AXDND1: variants seen among roughly 807,000 people sequenced by gnomAD.
AXDND1 encodes the protein axonemal dynein light chain domain-containing protein 1.
A neutral mutation model predicts 137.5 loss-of-function variants in AXDND1; 110 were observed. The observed-to-expected ratio is 0.80, with a 90% confidence interval of 0.69 to 0.94. The LOEUF (loss-of-function observed/expected upper bound fraction) is 0.94. AXDND1 is among the 40% of genes least tolerant of loss of function. AXDND1 has a pLI of 0.00. For missense variants in AXDND1, 1,191 were observed against 1,169.8 expected (o/e 1.02, Z -0.26); for synonymous variants, 414 against 399.7 (o/e 1.04, Z -0.43).
chr1:179,548,157 T>C (rs1672818746), intron 25 of AXDND1, among the ~76,000 whole-genome samples: 2 of 152,188 alleles, frequency 1.3e-5, no homozygotes, highest in Admixed American at 1.3e-4. Flanking sequence ...CTTTCACACA[T>C]GGAGGCAACA....
chr1:179,413,911 T>C (rs1231568580), intron 12 of AXDND1, among the ~76,000 whole-genome samples: 1 of 152,170 alleles, frequency 6.6e-6, no homozygotes. Context: ...ATCTGTTTTT[T>C]TTTTACTTTT....
intron 16 of AXDND1, among the ~76,000 whole-genome samples, chr1:179,458,175 G>A (rs551597778): frequency 6.6e-6 from 1 of 151,740 alleles, no homozygotes; most frequent in Admixed American, 6.6e-5. Context: ...TAGAGATTGG[G>A]TTTCATCATA....
chr1:179,553,912 A>ATT lies in AXDND1; in HGVS notation c.3032-583_3032-582dup, dbSNP rs11422639. On this transcript the variant is annotated intron_variant, in intron 25 of 25. Transcript: ENST00000367618. ...AGGCATTTGCCAACACCCCTGGCTA[A>ATT]TTTTTTTTTTTTTTTTTTGAGATCG... 7.5e-3 allele frequency among the ~76,000 whole-genome samples: 986 copies of ATT among 131,828 alleles called. 26 individuals carry two copies. The highest frequency in any genetic ancestry group is 0.047 in the East Asian group (211 of 4,518). The allele number at this position is 131,828 out of a possible 152,430, so 86.5% of individuals were successfully genotyped here.
intron 17 of AXDND1, among the ~76,000 whole-genome samples, chr1:179,482,525 G>A (rs1402811376): frequency 6.6e-6 from 1 of 152,082 alleles, no homozygotes; most frequent in African/African-American, 2.4e-5. Context: ...TGTGTTCTTG[G>A]CTACAGCATT....
chr1:179,496,715 T>C (rs1282784921), intron 20 of AXDND1, among the ~76,000 whole-genome samples: 1 of 151,960 alleles, frequency 6.6e-6, no homozygotes, highest in Non-Finnish European at 1.5e-5. Flanking sequence ...GTCTAGTCTT[T>C]ATTGTTTATA....
chr1:179,437,851 C>T lies in AXDND1; in HGVS notation c.1563+5509C>T, dbSNP rs566056350. Among the ~76,000 whole-genome samples the T allele has an allele frequency of 2.0e-5, 3 of 152,252 alleles. No homozygotes were observed. The South Asian group carries it at 6.2e-4, about 32-fold the overall frequency. ...AAATCAAGAATTTTGTTTTGCAATT[C>T]ACCAATATTAAAGGTAATGGCCGGG... is the stretch of plus-strand genomic sequence containing the variant. On this transcript the variant is annotated intron_variant, in intron 15 of 25. Coordinates refer to ENST00000367618, the MANE Select transcript of AXDND1 (RefSeq NM_144696.6).
intron 20 of AXDND1, among the ~76,000 whole-genome samples, chr1:179,505,584 G>A (rs1249381466): frequency 6.6e-6 from 1 of 151,442 alleles, no homozygotes; most frequent in African/African-American, 2.4e-5. Context: ...GGAGGTAGAG[G>A]TTGTGCCGAG....
Position 179,378,662 on chromosome 1 carries a change from A to T in AXDND1, c.400A>T (p.Thr134Ser), listed in dbSNP as rs1331283746. 1 of 1,592,544 alleles carries T rather than the reference A, an allele frequency of 6.3e-7. No homozygotes were observed. Among genetic ancestry groups the T allele is most frequent in the Non-Finnish European group, 8.6e-7 (1 of 1,167,854 alleles). The part of the protein sequence containing the change: ...GRDISFLYDV[T>S]YAKGQTREKA... ...GGATATTTCTTTTCTGTACGATGTA[A>T]CATATGCCAAAGGACAGACTAGGGA... Residue 134 changes from threonine to serine, a missense_variant, in exon 5 of 26, where the codon ACA (threonine) becomes TCA (serine). Coordinates refer to ENST00000367618, the MANE Select transcript of AXDND1 (RefSeq NM_144696.6).
rs530962748 is a variant in AXDND1, at chr1:179,472,057, G to A, written c.1997+3416G>A. Among the ~76,000 whole-genome samples the A allele has an allele frequency of 3.4e-4, 51 of 152,110 alleles. 1 individual carries two copies. In the East Asian group the frequency reaches 4.8e-3, roughly 14 times the overall value. On this transcript the variant is annotated intron_variant, in intron 17 of 25. Transcript: ENST00000367618. ...TTACCGGCATGTGCCACCACGCCTG[G>A]CTAATTTTTTTGTATTTTTAGTAGA...
intron 12 of AXDND1, among the ~76,000 whole-genome samples, chr1:179,418,597 G>T (rs1276254936): frequency 6.6e-6 from 1 of 151,134 alleles, no homozygotes; most frequent in African/African-American, 2.4e-5. Flanking sequence ...CTCCCGGACG[G>T]GGCGGCTGGC....
At chr1:179,549,023 G>T (rs1672925859) in intron 25 of AXDND1, 1 of 152,016 alleles carries the variant, frequency 6.6e-6, no homozygotes, top group African/African-American at 2.4e-5. Context: ...CCACTCTCAG[G>T]GGCATGTCAT....
chr1:179,506,962 G>A (rs1645631394), intron 20 of AXDND1: 1 of 914,052 alleles, frequency 1.1e-6, no homozygotes, highest in Non-Finnish European at 1.3e-6. Flanking sequence ...CCTTATGGGG[G>A]GATCTGTGGA....
chr1:179,545,817 G>T (rs1572233499), intron 25 of AXDND1: 1 of 152,106 alleles, frequency 6.6e-6, no homozygotes, highest in Non-Finnish European at 1.5e-5. Flanking sequence ...AGTTATATCT[G>T]CTGCCACTAC....
chr1:179,426,361 T>C (rs1211358405), intron 12 of AXDND1, among the ~76,000 whole-genome samples: 1 of 152,082 alleles, frequency 6.6e-6, no homozygotes, highest in Non-Finnish European at 1.5e-5. Context: ...CCAATAAATA[T>C]ATGAAAATAT....
In AXDND1 at chr1:179,380,232, G is replaced by C. The variant is rs533357210; in HGVS notation, c.581+750G>C. On this transcript the variant is annotated intron_variant, in intron 6 of 25. Transcript: ENST00000367618. ...CCACTGCACTCCAGCCTGGGCGACAGAGTGAGACTCCGTCTCAAAAAAAAA... is the reference window on the plus strand; with the variant it reads ...CCACTGCACTCCAGCCTGGGCGACACAGTGAGACTCCGTCTCAAAAAAAAA... Among the ~76,000 whole-genome samples the C allele has an allele frequency of 1.1e-3, 166 of 151,596 alleles. 1 individual carries two copies. Among genetic ancestry groups the C allele is most frequent in the Middle Eastern group, 3.4e-3 (1 of 292 alleles).
chr1:179,526,891 T>C (rs1256704493), intron 22 of AXDND1, among the ~76,000 whole-genome samples: 1 of 152,174 alleles, frequency 6.6e-6, no homozygotes, highest in Non-Finnish European at 1.5e-5. Flanking sequence ...ATGTTTATGG[T>C]TGAGGAAACG....
intron 9 of AXDND1, among the ~76,000 whole-genome samples, chr1:179,390,534 C>G (rs1032999182): frequency 1.3e-5 from 2 of 152,166 alleles, no homozygotes; most frequent in African/African-American, 4.8e-5. Context: ...AAGAATCTCA[C>G]TATACGTTAA....
At chr1:179,367,698 C>T (rs1477781088) in intron 2 of AXDND1, among the ~76,000 whole-genome samples, 1 of 152,244 alleles carries the variant, frequency 6.6e-6, no homozygotes, top group Non-Finnish European at 1.5e-5. Flanking sequence ...GATCTTGCCA[C>T]TGCACTCTAG....
Position 179,445,337 on chromosome 1 carries a change from G to A in AXDND1, c.1798+133G>A, listed in dbSNP as rs1659584372. On this transcript the variant is annotated intron_variant, in intron 16 of 25. Coordinates refer to ENST00000367618, the MANE Select transcript of AXDND1 (RefSeq NM_144696.6). The stretch of plus-strand genomic sequence containing the variant: ...TTAAAAACCAAGCAAAATAAGCAAA[G>A]CATTGAGCATCACTTTGAGATATAA... The A allele has an allele frequency of 2.1e-5, 13 of 621,042 alleles. 1 individual carries two copies. The highest frequency in any genetic ancestry group is 1.3e-4 in the South Asian group (5 of 39,360). 38.5% of individuals were successfully genotyped at this position (621,042 alleles called of 1,614,324 possible).
Sources: gnomAD v4.1 joint callset for allele counts (sites outside exome capture counted in the v4.1 genomes callset) on GRCh38, gnomAD v4.1.1 for gene constraint, MANE v1.5 for transcripts, NCBI Gene and HGNC (gene_info 2026-07-23, HGNC 2026-07-21) for gene names.